The following DAB1 variants were observed in gnomAD, a reference collection of about 807,000 sequenced individuals.
DAB1 encodes DAB adaptor protein 1.
A neutral mutation model predicts 64.6 loss-of-function variants in DAB1; 15 were observed. That is an observed-to-expected ratio of 0.23 (90% CI 0.16 to 0.36). The LOEUF (loss-of-function observed/expected upper bound fraction) is 0.36. Among genes scored for constraint, DAB1 ranks in the 10% least tolerant of loss-of-function variants. The pLI, the probability that DAB1 is intolerant of heterozygous loss-of-function variation, is 1.00. For missense variants in DAB1, 596 were observed against 706.7 expected (o/e 0.84, Z 1.78); for synonymous variants, 235 against 251.9 (o/e 0.93, Z 0.64).
intron 5 of DAB1, among the ~76,000 whole-genome samples, chr1:58,017,648 A>G (rs770290067): frequency 1.3e-5 from 2 of 152,316 alleles, no homozygotes; most frequent in Non-Finnish European, 2.9e-5. Flanking sequence ...CTCACCTTCA[A>G]GCTGGAACTA....
At chr1:57,476,184 C>G (rs528438849) in intron 7 of DAB1, among the ~76,000 whole-genome samples, 1 of 150,680 alleles carries the variant, frequency 6.6e-6, no homozygotes, top group Non-Finnish European at 1.5e-5. Context: ...CGAGGTCACG[C>G]CACTGTACTC....
intron 5 of DAB1, among the ~76,000 whole-genome samples, chr1:57,946,264 A>G (rs553678488): frequency 2.0e-5 from 3 of 152,266 alleles, no homozygotes; most frequent in African/African-American, 7.2e-5. Context: ...GGCAAGATGC[A>G]CTCAGAGTGG....
At chr1:57,925,862 G>A (rs374137670) in intron 5 of DAB1, among the ~76,000 whole-genome samples, 8 of 152,232 alleles carry the variant, frequency 5.3e-5, no homozygotes, top group East Asian at 1.9e-4. Flanking sequence ...ACATATAAAC[G>A]CTCACAGACT....
At chr1:58,167,955 G>A (rs1465906415) in intron 4 of DAB1, among the ~76,000 whole-genome samples, 1 of 152,196 alleles carries the variant, frequency 6.6e-6, no homozygotes, top group East Asian at 1.9e-4. Flanking sequence ...CTTGAAGTCA[G>A]CGAGACAAAG....
intron 7 of DAB1, among the ~76,000 whole-genome samples, chr1:57,540,032 TG>T (rs1570608754): frequency 6.6e-6 from 1 of 152,298 alleles, no homozygotes; most frequent in East Asian, 1.9e-4. Context: ...CAAGAATAAG[TG>T]GAATGTACAT....
chr1:57,013,473 G>A (rs1646326823), intron 12 of DAB1, among the ~76,000 whole-genome samples: 1 of 152,190 alleles, frequency 6.6e-6, no homozygotes. Context: ...GAAACCCTGT[G>A]AGTCTGCATA....
chr1:57,583,625 T>C (rs1276698490), intron 7 of DAB1, among the ~76,000 whole-genome samples: 1 of 152,108 alleles, frequency 6.6e-6, no homozygotes, highest in Non-Finnish European at 1.5e-5. Flanking sequence ...GGATTTCTGT[T>C]GGCAAACCAG....
At chr1:57,644,736 A>T (rs1035730001) in intron 7 of DAB1, among the ~76,000 whole-genome samples, 3 of 152,090 alleles carry the variant, frequency 2.0e-5, no homozygotes, top group Non-Finnish European at 2.9e-5. Context: ...GGCCTTACGC[A>T]ATTGTGGGTG....
intron 3 of DAB1, among the ~76,000 whole-genome samples, chr1:58,457,488 T>C (rs1645203086): frequency 6.6e-6 from 1 of 152,168 alleles, no homozygotes; most frequent in Non-Finnish European, 1.5e-5. Flanking sequence ...CTTGCTGAAC[T>C]TACACAGCTC....
intron 2 of DAB1, among the ~76,000 whole-genome samples, chr1:57,204,657 T>C (rs765404387): frequency 2.0e-5 from 3 of 152,190 alleles, no homozygotes; most frequent in Non-Finnish European, 4.4e-5. Flanking sequence ...CTCAGTTTCC[T>C]TATATGTATG....
At chr1:57,116,208 A>C (rs1269536633) in intron 4 of DAB1, among the ~76,000 whole-genome samples, 2 of 151,506 alleles carry the variant, frequency 1.3e-5, no homozygotes, top group Non-Finnish European at 2.9e-5. Context: ...CTCACCCTGT[A>C]ATCCCAGCAC....
chr1:57,001,306 G>A (rs1026128006), intron 14 of DAB1, among the ~76,000 whole-genome samples: 4 of 152,096 alleles, frequency 2.6e-5, no homozygotes, highest in African/African-American at 9.7e-5. Flanking sequence ...TTGTTTGTTT[G>A]TTTTCTTTTG....
At chr1:58,159,352 C>T (rs1411951730) in intron 4 of DAB1, among the ~76,000 whole-genome samples, 1 of 152,162 alleles carries the variant, frequency 6.6e-6, no homozygotes, top group Non-Finnish European at 1.5e-5. Context: ...TCCATTTCCA[C>T]AGACTGAAAG....
In DAB1 at chr1:57,293,133, G is replaced by A. The variant is rs74074905; in HGVS notation, c.-136-1967C>T. Among the ~76,000 whole-genome samples, 563 of 152,148 alleles carry A rather than the reference G, an allele frequency of 3.7e-3. 2 individuals are homozygous for A. The highest frequency in any genetic ancestry group is 0.011 in the African/African-American group (471 of 41,538). ...CAACCAAACCAGTAAAAGGAGGCAC[G>A]ACTCTAGCAGGGAGGTGATGCACTT... On this transcript the variant is annotated intron_variant, in intron 1 of 14. Transcript: ENST00000371236.
At chr1:57,413,743 CAAAAAAA>C (rs58388088) in intron 1 of DAB1, among the ~76,000 whole-genome samples, 2,559 of 64,534 alleles carry the variant, frequency 0.04, 86 homozygotes, top group African/African-American at 0.12. Context: ...GACTCTGTCT[CAAAAAAA>C]AAAAAAAAAA....
At position 57,554,008 on chromosome 1, in the gene DAB1, G is replaced by A. The variant is rs185197110; in HGVS notation, n.625+95584C>T. 1.9e-4 allele frequency among the ~76,000 whole-genome samples: 29 copies of A among 152,284 alleles called. No homozygotes were observed. The East Asian group carries it at 4.5e-3, about 23-fold the overall frequency. Reference sequence around the variant, plus strand: ...TGCAAAGGGAAGTTGTATCTGCTGCGTTTTGAGGATGAGAGAGACCTAAGC... The same window carrying A: ...TGCAAAGGGAAGTTGTATCTGCTGCATTTTGAGGATGAGAGAGACCTAAGC... On this transcript the variant is annotated intron_variant and non_coding_transcript_variant, in intron 7 of 20. Coordinates refer to the DAB1 transcript ENST00000485760.
At chr1:57,014,777 G>T in intron 12 of DAB1, 106 bp downstream of exon 12, 2 of 856,196 alleles carry the variant, frequency 2.3e-6, no homozygotes, top group East Asian at 2.7e-5. Context: ...AAACAAAGAA[G>T]CCTGATTAAT....
intron 3 of DAB1, among the ~76,000 whole-genome samples, chr1:57,144,266 T>G (rs943574903): frequency 6.6e-6 from 1 of 152,138 alleles, no homozygotes; most frequent in African/African-American, 2.4e-5. Flanking sequence ...TACTTCTTGC[T>G]AAACCATTTA....
At chr1:57,124,939 C>T (rs976541209) in intron 4 of DAB1, among the ~76,000 whole-genome samples, 1 of 152,118 alleles carries the variant, frequency 6.6e-6, no homozygotes, top group East Asian at 1.9e-4. Flanking sequence ...CCTCCCACCC[C>T]CCAACCCCGG....
Sources: gnomAD v4.1 joint callset for allele counts (sites outside exome capture counted in the v4.1 genomes callset) on GRCh38, gnomAD v4.1.1 for gene constraint, MANE v1.5 for transcripts, NCBI Gene and HGNC (gene_info 2026-07-23, HGNC 2026-07-21) for gene names.